Variants in ESRRG observed in about 807,000 individuals in gnomAD.
ESRRG encodes estrogen related receptor gamma.
ESRRG carries 13 observed loss-of-function variants against 44.0 expected under a neutral mutation model. The observed-to-expected ratio is 0.30, with a 90% CI of 0.19 to 0.47. The LOEUF (loss-of-function observed/expected upper bound fraction) is 0.47, where lower values mean the gene tolerates loss of function less well. ESRRG is among the 20% of genes least tolerant of loss of function. ESRRG has a pLI of 1.00. For synonymous variants in ESRRG, 215 were observed against 214.6 expected (o/e 1.00, Z -0.02); for missense variants, 395 against 580.6 (o/e 0.68, Z 3.29).
chr1:217,022,202 G>A (rs1174810529), intron 1 of ESRRG, among the ~76,000 whole-genome samples: 1 of 152,174 alleles, frequency 6.6e-6, no homozygotes, highest in African/African-American at 2.4e-5. Flanking sequence ...AGCTGCTATT[G>A]TGATTATTTG....
chr1:216,746,176 A>T (rs2091375083), intron 2 of ESRRG, among the ~76,000 whole-genome samples: 1 of 152,208 alleles, frequency 6.6e-6, no homozygotes, highest in Non-Finnish European at 1.5e-5. Context: ...AAATAAAAAG[A>T]AGGAAATGAA....
Position 216,892,490 on chromosome 1 carries a change from A to T in ESRRG, c.-14+47092T>A, listed in dbSNP as rs370168882. 5.9e-4 allele frequency among the ~76,000 whole-genome samples: 90 copies of T among 152,242 alleles called. 2 individuals carry two copies. In the South Asian group the frequency reaches 0.019, roughly 32 times the overall value. On this transcript the variant is annotated intron_variant, in intron 2 of 7. Transcript: ENST00000359162. ...TAGCCTCTATGTAACAAAAAATCAT[A>T]TTATGGGGAGTTTAGCTGTGGTATT...
At chr1:216,515,649 T>TA (rs1255144220) in intron 6 of ESRRG, among the ~76,000 whole-genome samples, 3 of 152,058 alleles carry the variant, frequency 2.0e-5, no homozygotes, top group Non-Finnish European at 4.4e-5. Flanking sequence ...TGTGTAGAAG[T>TA]AAAAAAGAAA....
chr1:217,060,224 A>AT (rs1580239030), intron 1 of ESRRG, among the ~76,000 whole-genome samples: 2 of 152,060 alleles, frequency 1.3e-5, no homozygotes, highest in East Asian at 3.9e-4. Flanking sequence ...TAATTACAAA[A>AT]ATATATATAT....
chr1:216,820,146 C>T (rs1053703442), intron 2 of ESRRG, among the ~76,000 whole-genome samples: 23 of 152,178 alleles, frequency 1.5e-4, no homozygotes, highest in African/African-American at 5.3e-4. Flanking sequence ...AGGAAGTTCT[C>T]ATATTCCAGA....
intron 4 of ESRRG, 46 bp downstream of exon 4, chr1:216,567,942 G>T: frequency 1.6e-6 from 2 of 1,266,202 alleles, no homozygotes; most frequent in Non-Finnish European, 2.3e-6. Flanking sequence ...GAGCCAACTG[G>T]GAGGATTTCG....
rs532743470 is a variant in ESRRG at position 216,787,307 on chromosome 1, TA to T, written c.-13-109817del. On this transcript the variant is annotated intron_variant, in intron 2 of 7. Coordinates refer to the ESRRG transcript ENST00000359162. Reference sequence around the variant, plus strand: ...ACAACAATATTGAAATAAGGCCATTTAAAAACCCCAAAAAAGGCTGGGTGCA... The same window carrying T: ...ACAACAATATTGAAATAAGGCCATTTAAAACCCCAAAAAAGGCTGGGTGCA... 2.3e-3 allele frequency among the ~76,000 whole-genome samples: 354 copies of T among 152,040 alleles called. 2 individuals are homozygous for T. The highest frequency in any genetic ancestry group is 7.8e-3 in the African/African-American group (324 of 41,494).
At chr1:217,087,533 C>T (rs1385723498) in intron 1 of ESRRG, among the ~76,000 whole-genome samples, 1 of 152,072 alleles carries the variant, frequency 6.6e-6, no homozygotes, top group East Asian at 1.9e-4. Context: ...AAAGCAACAC[C>T]CATCACAAAC....
chr1:216,574,280 A>G (rs975034492), intron 3 of ESRRG, among the ~76,000 whole-genome samples: 1 of 152,134 alleles, frequency 6.6e-6, no homozygotes, highest in African/African-American at 2.4e-5. Flanking sequence ...ACATTGCCAC[A>G]AGGGAATTAC....
intron 2 of ESRRG, among the ~76,000 whole-genome samples, chr1:216,880,660 A>C (rs2149311129): frequency 6.6e-6 from 1 of 152,294 alleles, no homozygotes; most frequent in Admixed American, 6.5e-5. Flanking sequence ...CACCAACATC[A>C]GTTACTCTCT....
chr1:216,921,908 A>G (rs936134950), intron 2 of ESRRG, among the ~76,000 whole-genome samples: 2 of 152,190 alleles, frequency 1.3e-5, no homozygotes, highest in Non-Finnish European at 2.9e-5. Context: ...CATGCTATCT[A>G]TAATGGACAG....
intron 1 of ESRRG, among the ~76,000 whole-genome samples, chr1:217,087,867 AAGG>A (rs2092179650): frequency 6.6e-6 from 1 of 152,140 alleles, no homozygotes; most frequent in Admixed American, 6.5e-5. Flanking sequence ...TTTCTATTTG[AAGG>A]AGATGAAACC....
chr1:216,819,639 T>G (rs2095243770), intron 2 of ESRRG, among the ~76,000 whole-genome samples: 1 of 152,230 alleles, frequency 6.6e-6, no homozygotes, highest in Non-Finnish European at 1.5e-5. Flanking sequence ...AGTACTTTTT[T>G]TTTTGTCATT....
chr1:216,875,142 C>T (rs1052495423), intron 2 of ESRRG, among the ~76,000 whole-genome samples: 6 of 152,160 alleles, frequency 3.9e-5, no homozygotes, highest in Non-Finnish European at 8.8e-5. Context: ...TTCGTATATA[C>T]ATATATTCTA....
chr1:216,915,188 T>C (rs1358233713), intron 2 of ESRRG, among the ~76,000 whole-genome samples: 2 of 152,130 alleles, frequency 1.3e-5, no homozygotes, highest in African/African-American at 4.8e-5. Flanking sequence ...ACACATTCTG[T>C]GGTTACTAGT....
intron 1 of ESRRG, among the ~76,000 whole-genome samples, chr1:217,001,811 A>G (rs2077067758): frequency 6.6e-6 from 1 of 152,188 alleles, no homozygotes; most frequent in South Asian, 2.1e-4. Context: ...ATGGAGAACC[A>G]TACCAGCATT....
intron 1 of ESRRG, among the ~76,000 whole-genome samples, chr1:217,102,144 T>G (rs2092524673): frequency 1.3e-5 from 2 of 152,328 alleles, no homozygotes; most frequent in South Asian, 4.1e-4. Context: ...CATTCCAGAT[T>G]TAAACACTGC....
At chr1:217,051,683 C>A (rs1433164173) in intron 1 of ESRRG, among the ~76,000 whole-genome samples, 1 of 152,134 alleles carries the variant, frequency 6.6e-6, no homozygotes, top group Non-Finnish European at 1.5e-5. Context: ...TGGGTTATGG[C>A]CTGACCATGC....
At chr1:217,028,106 C>T (rs889646676) in intron 1 of ESRRG, among the ~76,000 whole-genome samples, 6 of 152,156 alleles carry the variant, frequency 3.9e-5, no homozygotes, top group Non-Finnish European at 8.8e-5. Flanking sequence ...AATTTCTATA[C>T]ACGCCCCCAC....
Sources: allele counts gnomAD v4.1 joint callset (sites outside exome capture counted in the v4.1 genomes callset), GRCh38; gene constraint gnomAD v4.1.1; transcripts MANE v1.5; gene names NCBI Gene and HGNC (gene_info 2026-07-23, HGNC 2026-07-21).